The following NR3C2 variants were observed in gnomAD, a reference collection of about 807,000 sequenced individuals.
The protein encoded by NR3C2 is nuclear receptor subfamily 3 group C member 2, also known as mineralocorticoid receptor.
In NR3C2, 15 loss-of-function variants were observed where a neutral mutation model predicts 86.4. That is an observed-to-expected ratio of 0.17 (90% confidence interval 0.12 to 0.27). The LOEUF (loss-of-function observed/expected upper bound fraction) is 0.27. NR3C2 is among the 10% of genes least tolerant of loss of function. The probability of loss-of-function intolerance (pLI) is 1.00; values close to 1 mark genes in which losing one functional copy is unlikely to be tolerated. For missense variants in NR3C2, 960 were observed against 1,195.6 expected (o/e 0.80, Z 2.91); for synonymous variants, 458 against 450.5 (o/e 1.02, Z -0.21).
At chr4:148,223,700 T>C (rs971324772) in intron 3 of NR3C2, among the ~76,000 whole-genome samples, 1 of 152,166 alleles carries the variant, frequency 6.6e-6, no homozygotes, top group Non-Finnish European at 1.5e-5. Flanking sequence ...CAGAGATATT[T>C]TGAATGAAGC....
chr4:148,141,162 G>A (rs1157452271), intron 6 of NR3C2, among the ~76,000 whole-genome samples: 2 of 152,210 alleles, frequency 1.3e-5, no homozygotes, highest in South Asian at 2.1e-4. Context: ...GCCGGGTGTG[G>A]TGGCTCATGC....
chr4:148,309,079 T>G (rs114426571), intron 2 of NR3C2, among the ~76,000 whole-genome samples: 1,889 of 152,288 alleles, frequency 0.012, 20 homozygotes, highest in South Asian at 0.039. Context: ...TGGATATAAT[T>G]ACCTGATTTG....
At chr4:148,091,997 G>C (rs1482719779) in intron 8 of NR3C2, among the ~76,000 whole-genome samples, 4 of 152,164 alleles carry the variant, frequency 2.6e-5, no homozygotes, top group African/African-American at 9.6e-5. Context: ...GGAAAAGCCA[G>C]ACCATCCCAA....
intron 6 of NR3C2, among the ~76,000 whole-genome samples, chr4:148,145,485 T>C (rs1475258351): frequency 6.6e-6 from 1 of 152,244 alleles, no homozygotes; most frequent in African/African-American, 2.4e-5. Context: ...TTACTTCCTT[T>C]CATTCCTGCT....
At chr4:148,185,035 G>A (rs576363638) in intron 4 of NR3C2, among the ~76,000 whole-genome samples, 8 of 152,302 alleles carry the variant, frequency 5.3e-5, no homozygotes, top group Admixed American at 2.0e-4. Context: ...ATGTGTGAAA[G>A]CACTACGGAA....
intron 3 of NR3C2, among the ~76,000 whole-genome samples, chr4:148,238,688 C>A (rs1738866084): frequency 6.6e-6 from 1 of 152,162 alleles, no homozygotes. Flanking sequence ...GTTTACAGCT[C>A]ATTCACTTAT....
intron 2 of NR3C2, among the ~76,000 whole-genome samples, chr4:148,394,458 A>G (rs982096466): frequency 4.0e-5 from 6 of 151,644 alleles, no homozygotes; most frequent in African/African-American, 1.5e-4. Context: ...GGCAGCAGGA[A>G]TGCTTGATCC....
chr4:148,397,339 A>C (rs1409659151), intron 2 of NR3C2, among the ~76,000 whole-genome samples: 1 of 152,210 alleles, frequency 6.6e-6, no homozygotes. Context: ...ACTGTCCTTC[A>C]GGCAGCCTTG....
intron 2 of NR3C2, among the ~76,000 whole-genome samples, chr4:148,323,696 C>G (rs1743780174): frequency 6.6e-6 from 1 of 152,146 alleles, no homozygotes; most frequent in South Asian, 2.1e-4. Context: ...TCCCTGACCC[C>G]TTGTGCTTCC....
intron 3 of NR3C2, among the ~76,000 whole-genome samples, chr4:148,256,158 T>C (rs1480580960): frequency 1.3e-5 from 2 of 152,202 alleles, no homozygotes; most frequent in Non-Finnish European, 2.9e-5. Flanking sequence ...CAGTTCAGTC[T>C]GCACTGGAAA....
At chr4:148,100,773 C>T (rs958958122) in intron 8 of NR3C2, among the ~76,000 whole-genome samples, 1 of 152,216 alleles carries the variant, frequency 6.6e-6, no homozygotes, top group Non-Finnish European at 1.5e-5. Flanking sequence ...CATCCATGTT[C>T]ATAGCAGCAC....
Position 148,114,298 on chromosome 4 carries a change from T to C in NR3C2, c.2642-37A>G, listed in dbSNP as rs1879829. The stretch of plus-strand genomic sequence containing the variant: ...AAAACAGACATGTAAATTTCCAGGA[T>C]GGAAAACAACTTTAGCATCTTGGCA... On this transcript the variant is annotated intron_variant, in intron 7 of 8. Transcript: ENST00000358102. The C allele has an allele frequency of 0.46, 745,789 of 1,609,708 alleles. 174,768 individuals carry two copies. The highest frequency in any genetic ancestry group is 0.66 in the East Asian group (29,748 of 44,788).
intron 2 of NR3C2, among the ~76,000 whole-genome samples, chr4:148,363,064 T>C (rs1157958464): frequency 1.3e-5 from 2 of 152,188 alleles, no homozygotes; most frequent in East Asian, 3.8e-4. Context: ...TTGCCTTGCC[T>C]TCCTGTGCTC....
At chr4:148,237,515 T>C (rs989051452) in intron 3 of NR3C2, among the ~76,000 whole-genome samples, 1 of 152,176 alleles carries the variant, frequency 6.6e-6, no homozygotes, top group Non-Finnish European at 1.5e-5. Context: ...TAAAAACCAC[T>C]GAAATTTATA....
At chr4:148,291,994 A>G (rs1017293981) in intron 2 of NR3C2, among the ~76,000 whole-genome samples, 1 of 152,144 alleles carries the variant, frequency 6.6e-6, no homozygotes, top group African/African-American at 2.4e-5. Context: ...ACTGCAAGTG[A>G]AAAATATGAT....
intron 4 of NR3C2, among the ~76,000 whole-genome samples, chr4:148,166,443 T>C (rs1315258040): frequency 6.6e-6 from 1 of 152,208 alleles, no homozygotes; most frequent in African/African-American, 2.4e-5. Context: ...CAGGACTAAC[T>C]TCTGTTTTTT....
chr4:148,420,471 C>T (rs2126603726), intron 2 of NR3C2, among the ~76,000 whole-genome samples: 1 of 152,308 alleles, frequency 6.6e-6, no homozygotes, highest in South Asian at 2.1e-4. Context: ...TATTTAATTT[C>T]TAACTGTTCC....
chr4:148,257,723 G>C (rs1437610128), intron 3 of NR3C2, among the ~76,000 whole-genome samples: 1 of 151,586 alleles, frequency 6.6e-6, no homozygotes, highest in Non-Finnish European at 1.5e-5. Flanking sequence ...CATACACATG[G>C]GATAAAAGAG....
chr4:148,214,347 T>A (rs983099127), intron 3 of NR3C2, among the ~76,000 whole-genome samples: 3 of 152,154 alleles, frequency 2.0e-5, no homozygotes, highest in Non-Finnish European at 4.4e-5. Context: ...CAGTTTTTAT[T>A]GGTGTTTTTG....
Sources: allele counts gnomAD v4.1 joint callset (sites outside exome capture counted in the v4.1 genomes callset), GRCh38; gene constraint gnomAD v4.1.1; transcripts MANE v1.5; gene names NCBI Gene and HGNC (gene_info 2026-07-23, HGNC 2026-07-21).